Variants in EPHA5 observed in about 807,000 individuals in gnomAD.
The protein encoded by EPHA5 is EPH receptor A5.
EPHA5 carries 60 observed loss-of-function variants against 105.0 expected under a neutral mutation model. The ratio of observed to expected loss-of-function variants is 0.57; its 90% CI spans 0.46 to 0.71. EPHA5 has a LOEUF of 0.71. Ranked by LOEUF, EPHA5 falls within the 30% of genes least tolerant of loss-of-function variation. EPHA5 has a pLI of 0.00. For missense variants in EPHA5, 1,218 were observed against 1,274.7 expected (o/e 0.96, Z 0.68); for synonymous variants, 513 against 449.1 (o/e 1.14, Z -1.80).
Position 65,648,976 on chromosome 4 carries a change from A to G in EPHA5, c.182-5549T>C, listed in dbSNP as rs77318818. 9.7e-4 allele frequency among the ~76,000 whole-genome samples: 147 copies of G among 152,322 alleles called. 2 individuals carry two copies. The East Asian group carries it at 0.022, about 23-fold the overall frequency. On this transcript the variant is annotated intron_variant, in intron 1 of 16. Coordinates refer to ENST00000613740, the MANE Select transcript of EPHA5 (RefSeq NM_001281766.3). ...AAACTAGATTTGTAAATTTGGGGAAAATTATGTTATAGGTTTAGAAGTGTT... is the reference window on the plus strand; with the variant it reads ...AAACTAGATTTGTAAATTTGGGGAAGATTATGTTATAGGTTTAGAAGTGTT...
At chr4:65,514,923 C>A (rs1733959372) in intron 3 of EPHA5, among the ~76,000 whole-genome samples, 1 of 152,136 alleles carries the variant, frequency 6.6e-6, no homozygotes, top group African/African-American at 2.4e-5. Flanking sequence ...CCTTTCCTAC[C>A]TCAGCCAATA....
chr4:65,462,896 C>G (rs1342057855), intron 5 of EPHA5, among the ~76,000 whole-genome samples: 2 of 152,076 alleles, frequency 1.3e-5, no homozygotes, highest in Non-Finnish European at 2.9e-5. Flanking sequence ...GTTCTGGGAA[C>G]TGGATACTTA....
intron 3 of EPHA5, among the ~76,000 whole-genome samples, chr4:65,583,893 G>T (rs1481074779): frequency 2.0e-5 from 3 of 151,286 alleles, no homozygotes; most frequent in Middle Eastern, 3.5e-3. Flanking sequence ...TGTATATACT[G>T]GTTCATTAAA....
At position 65,322,410 on chromosome 4, in the gene EPHA5, TC is replaced by T. The variant is rs1719706607; in HGVS notation, c.*1703del. On this transcript the variant is annotated 3_prime_UTR_variant, in exon 17 of 17. Transcript: ENST00000613740. ...CTATATTTCTGATAAATTTCATTAA[TC>T]CAGGCTTCTCTGATCTACTGTACTA... 4.4e-6 allele frequency: 1 copy of T among 225,804 alleles called. No individual in the cohort carries two copies. Among genetic ancestry groups the T allele is most frequent in the African/African-American group, 2.2e-5 (1 of 44,942 alleles). 14.0% of individuals were successfully genotyped at this position (225,804 alleles called of 1,614,324 possible).
chr4:65,434,429 C>T (rs758586751), intron 5 of EPHA5, among the ~76,000 whole-genome samples: 24 of 151,814 alleles, frequency 1.6e-4, no homozygotes, highest in Non-Finnish European at 2.5e-4. Context: ...TAGGCCAAGA[C>T]GATATATTTC....
chr4:65,336,029 G>A lies in EPHA5; in HGVS notation c.2692C>T (p.Arg898Ter), dbSNP rs146343247. 3.7e-6 allele frequency: 6 copies of A among 1,613,204 alleles called. No individual in the cohort carries two copies. Among genetic ancestry groups the A allele is most frequent in the African/African-American group, 1.3e-5 (1 of 74,900 alleles). The change falls in exon 15 of 17, where the codon CGA becomes TGA. Residue 898 changes from arginine (R) to a stop codon, truncating the protein, a stop_gained. Coordinates refer to ENST00000613740, the MANE Select transcript of EPHA5 (RefSeq NM_001281766.3). LOFTEE classifies it high-confidence loss of function. ...QLMLDCWQKE[R>*]NSRPKFDEIV... ...TCATCAAACTTGGGCCTGCTATTTC[G>A]CTCTTTCTGCCAGCAATCCAGCATT...
intron 3 of EPHA5, among the ~76,000 whole-genome samples, chr4:65,574,679 CATATAT>C (rs10672968): frequency 3.3e-5 from 2 of 61,092 alleles, no homozygotes; most frequent in African/African-American, 1.2e-4. Context: ...CATATATATA[CATATAT>C]ATACATATAT....
At chr4:65,385,217 C>T (rs1719966625) in intron 8 of EPHA5, among the ~76,000 whole-genome samples, 2 of 151,174 alleles carry the variant, frequency 1.3e-5, no homozygotes, top group African/African-American at 4.9e-5. Context: ...TGAGTGGGTT[C>T]AAAAAAAGAA....
At chr4:65,615,789 C>G (rs993287331) in intron 2 of EPHA5, among the ~76,000 whole-genome samples, 1 of 151,760 alleles carries the variant, frequency 6.6e-6, no homozygotes, top group Non-Finnish European at 1.5e-5. Context: ...GTGACAACAA[C>G]CAATGCTGAT....
intron 3 of EPHA5, among the ~76,000 whole-genome samples, chr4:65,513,522 G>A (rs767599510): frequency 2.0e-5 from 3 of 152,066 alleles, no homozygotes; most frequent in Non-Finnish European, 2.9e-5. Flanking sequence ...GAGTAGCTGA[G>A]ATTATAGTCA....
intron 3 of EPHA5, among the ~76,000 whole-genome samples, chr4:65,541,173 A>G (rs1736792029): frequency 1.3e-5 from 2 of 151,756 alleles, no homozygotes; most frequent in African/African-American, 2.4e-5. Flanking sequence ...GACAAGTGAC[A>G]TTATGAATAA....
At chr4:65,642,404 C>T (rs1489649428) in intron 2 of EPHA5, among the ~76,000 whole-genome samples, 1 of 151,946 alleles carries the variant, frequency 6.6e-6, no homozygotes, top group Non-Finnish European at 1.5e-5. Context: ...GAGCCTGGCT[C>T]TACCTGGGTT....
intron 8 of EPHA5, among the ~76,000 whole-genome samples, chr4:65,402,685 T>G (rs540915208): frequency 6.6e-6 from 1 of 152,294 alleles, no homozygotes; most frequent in Non-Finnish European, 1.5e-5. Flanking sequence ...TTTATTTAAT[T>G]TATTAGAAAG....
chr4:65,368,013 T>C (rs966198824), intron 8 of EPHA5, among the ~76,000 whole-genome samples: 4 of 152,056 alleles, frequency 2.6e-5, no homozygotes, highest in Admixed American at 6.6e-5. Context: ...ATCCACAAAT[T>C]TGCAAGTTTT....
At chr4:65,529,417 T>G in intron 3 of EPHA5, among the ~76,000 whole-genome samples, 1 of 152,068 alleles carries the variant, frequency 6.6e-6, no homozygotes. Flanking sequence ...TGTGCATACG[T>G]ATGCATATTA....
chr4:65,558,988 A>AAAC (rs1453361506), intron 3 of EPHA5, among the ~76,000 whole-genome samples: 1 of 152,156 alleles, frequency 6.6e-6, no homozygotes, highest in African/African-American at 2.4e-5. Flanking sequence ...ACCTTATCCC[A>AAAC]AACTCCAGCA....
In EPHA5 at chr4:65,499,750, CTT is replaced by C. The variant is rs1213471590; in HGVS notation, c.911-4209_911-4208del. On this transcript the variant is annotated intron_variant, in intron 3 of 16. Coordinates refer to ENST00000613740, the MANE Select transcript of EPHA5 (RefSeq NM_001281766.3). ...CTACTTATTTCCTGTATTTGAGAAA[CTT>C]TTCTTCTGCCTCTGAACACTGTAGG... Among the ~76,000 whole-genome samples, 5 of 151,522 alleles carry C rather than the reference CTT, an allele frequency of 3.3e-5. No individual in the cohort carries two copies. The South Asian group carries it at 8.3e-4, about 25-fold the overall frequency.
intron 3 of EPHA5, among the ~76,000 whole-genome samples, chr4:65,513,591 T>G (rs1039369236): frequency 1.1e-4 from 17 of 152,152 alleles, no homozygotes; most frequent in Non-Finnish European, 1.9e-4. Flanking sequence ...TTTTACCATG[T>G]TGGCCAGGCT....
intron 3 of EPHA5, among the ~76,000 whole-genome samples, chr4:65,565,878 C>G (rs1267658133): frequency 6.6e-6 from 1 of 151,526 alleles, no homozygotes; most frequent in Non-Finnish European, 1.5e-5. Flanking sequence ...TCCTATTCTA[C>G]TTTGAATAGG....
Sources: allele counts gnomAD v4.1 joint callset (sites outside exome capture counted in the v4.1 genomes callset), GRCh38; gene constraint gnomAD v4.1.1; transcripts MANE v1.5; gene names NCBI Gene and HGNC (gene_info 2026-07-23, HGNC 2026-07-21).